SORBS2: variants seen among roughly 807,000 people sequenced by gnomAD.
The protein encoded by SORBS2 is sorbin and SH3 domain containing 2.
Under a neutral mutation model 97.7 loss-of-function variants are expected in SORBS2, and 46 were observed. The observed-to-expected ratio is 0.47, with a 90% CI of 0.37 to 0.60. SORBS2 has a LOEUF of 0.60. Among genes scored for constraint, SORBS2 ranks in the 20% least tolerant of loss-of-function variants. The pLI is 0.00. For missense variants in SORBS2, 1,316 were observed against 1,282.3 expected, an observed-to-expected ratio of 1.03 and a Z score of -0.40; for synonymous variants, 476 against 473.4, an observed-to-expected ratio of 1.01 and a Z score of -0.07.
intron 2 of SORBS2, among the ~76,000 whole-genome samples, chr4:185,695,360 G>T (rs2098161419): frequency 6.6e-6 from 1 of 152,086 alleles, no homozygotes. Context: ...TTAATGGGAG[G>T]AGTTGCCCAA....
chr4:185,934,813 G>A (rs972814912), intron 1 of SORBS2, among the ~76,000 whole-genome samples: 7 of 151,504 alleles, frequency 4.6e-5, no homozygotes, highest in African/African-American at 1.2e-4. Context: ...GAGAAATCAA[G>A]GCAGTTGCTG....
At chr4:185,692,524 T>C (rs946186954) in intron 2 of SORBS2, among the ~76,000 whole-genome samples, 1 of 152,206 alleles carries the variant, frequency 6.6e-6, no homozygotes, top group African/African-American at 2.4e-5. Flanking sequence ...TCTGCTCAAC[T>C]CACAACTATT....
rs2096447193 is a variant in SORBS2, at chr4:185,607,271, C to G, written c.2796+4509G>C. 7.9e-7 allele frequency: 1 copy of G among 1,270,326 alleles called. No individual in the cohort carries two copies. 78.7% of individuals were successfully genotyped at this position (1,270,326 alleles called of 1,614,324 possible). On this transcript the variant is annotated intron_variant, in intron 12 of 14. Coordinates refer to ENST00000418609, the Ensembl canonical transcript of SORBS2. The surrounding 1 kb of genome is among the most constrained non-coding windows in gnomAD (Gnocchi z 5.2). ...GCTGTCAGGGACAACCAGCCCTGGC[C>G]AGTTCCCTGGAGAGCTCCTTTATCT...
At chr4:185,888,131 G>A (rs1050049637) in intron 1 of SORBS2, among the ~76,000 whole-genome samples, 1 of 151,744 alleles carries the variant, frequency 6.6e-6, no homozygotes, top group Non-Finnish European at 1.5e-5. Flanking sequence ...TTTATTCTGA[G>A]TTTTCATTGC....
Position 185,654,857 on chromosome 4 carries a change from A to G in SORBS2, c.24+1758T>C, listed in dbSNP as rs367661367. Among the ~76,000 whole-genome samples the G allele has an allele frequency of 1.1e-4, 17 of 152,278 alleles. No individual in the cohort carries two copies. The East Asian group carries it at 2.7e-3, about 24-fold the overall frequency. ...TAGACCTGAATTTTTACATTCCTAC[A>G]GTTTTCAAAACATCAGAACTCTACA... On this transcript the variant is annotated intron_variant, in intron 1 of 14. Transcript: ENST00000418609.
At chr4:185,587,457 A>G (rs2095813834) in exon 15 of SORBS2, 1 of 625,034 alleles carries the variant, frequency 1.6e-6, no homozygotes, top group Non-Finnish European at 2.9e-6. Context: ...TGTCGTCCCC[A>G]GGCTCACAGC....
At chr4:185,954,541 T>A (rs568074482) in intron 1 of SORBS2, among the ~76,000 whole-genome samples, 1 of 152,356 alleles carries the variant, frequency 6.6e-6, no homozygotes, top group East Asian at 1.9e-4. Flanking sequence ...ATTGATGTTG[T>A]CACAGAGGCG....
intron 1 of SORBS2, among the ~76,000 whole-genome samples, chr4:185,857,751 G>A (rs2099221373): frequency 1.3e-5 from 2 of 152,186 alleles, no homozygotes; most frequent in South Asian, 4.1e-4. Flanking sequence ...ATACGGTTGA[G>A]ATAAGGGATG....
intron 2 of SORBS2, among the ~76,000 whole-genome samples, chr4:185,721,354 C>A (rs1031505196): frequency 4.6e-5 from 7 of 152,172 alleles, no homozygotes; most frequent in African/African-American, 1.4e-4. Context: ...GGATTACAGG[C>A]GTGAGCCAGC....
chr4:185,903,067 G>C (rs2099248589), intron 1 of SORBS2, among the ~76,000 whole-genome samples: 1 of 152,190 alleles, frequency 6.6e-6, no homozygotes, highest in Non-Finnish European at 1.5e-5. Flanking sequence ...AAGGTTCTCA[G>C]GGGGTGCCTT....
intron 1 of SORBS2, among the ~76,000 whole-genome samples, chr4:185,870,920 G>A (rs2099230077): frequency 6.6e-6 from 1 of 152,214 alleles, no homozygotes; most frequent in Non-Finnish European, 1.5e-5. Flanking sequence ...TGAGGAGACA[G>A]GGTTAGATGG....
intron 2 of SORBS2, chr4:185,773,514 C>A (rs1499018): frequency 0.072 from 10,978 of 152,296 alleles, 675 homozygotes; most frequent in East Asian, 0.19. Flanking sequence ...TCCACAGCTC[C>A]GCCCCTTTGG....
intron 1 of SORBS2, among the ~76,000 whole-genome samples, chr4:185,816,329 G>A (rs1038026811): frequency 9.9e-5 from 15 of 152,182 alleles, no homozygotes; most frequent in East Asian, 1.9e-4. Context: ...AAAGAAACAC[G>A]TCATATGACT....
intron 1 of SORBS2, among the ~76,000 whole-genome samples, chr4:185,854,153 C>A (rs1561236905): frequency 2.0e-5 from 3 of 152,136 alleles, no homozygotes; most frequent in Admixed American, 2.0e-4. Flanking sequence ...CTGAGCTGAG[C>A]TCTGGAGGTG....
Position 185,605,510 on chromosome 4 carries a change from C to A in SORBS2, c.2796+6270G>T, listed in dbSNP as rs144185444. On this transcript the variant is annotated intron_variant, in intron 12 of 14. Coordinates refer to ENST00000418609, the Ensembl canonical transcript of SORBS2. Reference sequence around the variant, plus strand: ...TGTTGGACAGGTTGGTTTCGAACTCCTGACCTCAGATGATCCACCAGCCTT... The same window carrying A: ...TGTTGGACAGGTTGGTTTCGAACTCATGACCTCAGATGATCCACCAGCCTT... Among the ~76,000 whole-genome samples, 574 of 151,754 alleles carry A rather than the reference C, an allele frequency of 3.8e-3. 3 individuals are homozygous for A. Among genetic ancestry groups the A allele is most frequent in the African/African-American group, 0.013 (536 of 41,216 alleles).
At position 185,601,777 on chromosome 4, in the gene SORBS2, G is replaced by A. The variant is rs150582983; in HGVS notation, c.2797-7842C>T. On this transcript the variant is annotated intron_variant, in intron 12 of 14. Transcript: ENST00000418609. Reference sequence around the variant, plus strand: ...ACGTGAACATATTAGGAAAAATCAGGGCCTGATTTCATGTTGAAAACCGTG... The same window carrying A: ...ACGTGAACATATTAGGAAAAATCAGAGCCTGATTTCATGTTGAAAACCGTG... Among the ~76,000 whole-genome samples, 453 of 151,940 alleles carry A rather than the reference G, an allele frequency of 3.0e-3. 4 individuals are homozygous for A. Among genetic ancestry groups the A allele is most frequent in the African/African-American group, 0.01 (416 of 41,332 alleles).
intron 1 of SORBS2, among the ~76,000 whole-genome samples, chr4:185,951,622 C>T (rs1305924386): frequency 5.3e-5 from 8 of 151,860 alleles, no homozygotes; most frequent in Non-Finnish European, 1.2e-4. Context: ...GGCATAAACA[C>T]AGTTCCCTGG....
intron 1 of SORBS2, among the ~76,000 whole-genome samples, chr4:185,852,115 T>C (rs2099218205): frequency 1.3e-5 from 2 of 152,164 alleles, no homozygotes; most frequent in African/African-American, 4.8e-5. Flanking sequence ...ACGTTTAGCA[T>C]AGCAACAAAA....
intron 1 of SORBS2, among the ~76,000 whole-genome samples, chr4:185,792,537 GGGAAGGAA>G (rs1177582913): frequency 4.0e-5 from 6 of 151,120 alleles, no homozygotes; most frequent in Admixed American, 2.0e-4. Context: ...GAGGGAGGGA[GGGAAGGAA>G]GGAAGGAAGG....
Sources: allele counts gnomAD v4.1 joint callset (sites outside exome capture counted in the v4.1 genomes callset), GRCh38; gene constraint gnomAD v4.1.1; non-coding constraint Gnocchi (gnomAD v3.1); transcripts MANE v1.5; gene names NCBI Gene and HGNC (gene_info 2026-07-23, HGNC 2026-07-21).